The following SNRPN variants were observed in gnomAD, a reference collection of about 807,000 sequenced individuals.
SNRPN encodes the protein small nuclear ribonucleoprotein-associated protein N.
A neutral mutation model predicts 25.2 loss-of-function variants in SNRPN; 7 were observed. The ratio of observed to expected loss-of-function variants is 0.28; its 90% CI spans 0.16 to 0.52. SNRPN has a LOEUF of 0.52. SNRPN is among the 20% of genes least tolerant of loss of function. SNRPN has a pLI of 0.96. For synonymous variants in SNRPN, 124 were observed against 110.6 expected (o/e 1.12, Z -0.76); for missense variants, 196 against 322.5 (o/e 0.61, Z 3.00).
intron 3 of SNRPN, among the ~76,000 whole-genome samples, chr15:24,933,916 C>T (rs1343424890): frequency 6.6e-6 from 1 of 152,156 alleles, no homozygotes; most frequent in Non-Finnish European, 1.5e-5. Context: ...TTAATTTATA[C>T]CAGGGGTCAG....
chr15:24,840,652 G>A (rs929295483), intron 2 of SNRPN, among the ~76,000 whole-genome samples: 3 of 152,196 alleles, frequency 2.0e-5, no homozygotes, highest in Admixed American at 1.3e-4. Context: ...CCCCATGTGA[G>A]ATGCATGTTG....
chr15:24,974,908 C>T (rs1274446044), intron 4 of SNRPN: 1 of 702,624 alleles, frequency 1.4e-6, no homozygotes, highest in Admixed American at 2.0e-5. Flanking sequence ...AGTTTTTGGT[C>T]ATGATTCCAC....
chr15:24,853,580 A>T (rs1270805175), upstream of SNRPN, among the ~76,000 whole-genome samples: 12 of 152,052 alleles, frequency 7.9e-5, no homozygotes, highest in Admixed American at 3.3e-4. Flanking sequence ...TTTTTAGTGG[A>T]GACGGGGTTT....
chr15:24,949,475 C>T (rs1325314159), intron 3 of SNRPN, among the ~76,000 whole-genome samples: 1 of 137,600 alleles, frequency 7.3e-6, no homozygotes, highest in Non-Finnish European at 1.5e-5. Flanking sequence ...CATAGTTAGA[C>T]CAGGTCTCTA....
chr15:24,835,267 T>C (rs1184116082), intron 2 of SNRPN, among the ~76,000 whole-genome samples: 1 of 151,254 alleles, frequency 6.6e-6, no homozygotes, highest in African/African-American at 2.4e-5. Flanking sequence ...GTTTTTCTTC[T>C]TATATGTGAC....
chr15:24,837,961 G>A (rs2051359279), intron 2 of SNRPN, among the ~76,000 whole-genome samples: 1 of 151,470 alleles, frequency 6.6e-6, no homozygotes, highest in African/African-American at 2.4e-5. Context: ...GACCTCAGAA[G>A]ATCCGCCTGC....
intron 1 of SNRPN, among the ~76,000 whole-genome samples, chr15:24,874,809 A>G (rs1401240555): frequency 6.6e-6 from 1 of 152,206 alleles, no homozygotes; most frequent in African/African-American, 2.4e-5. Context: ...GATGATGACA[A>G]TGTGGGGTAA....
chr15:24,884,949 C>T (rs2057060959), intron 1 of SNRPN, among the ~76,000 whole-genome samples: 1 of 152,114 alleles, frequency 6.6e-6, no homozygotes, highest in Non-Finnish European at 1.5e-5. Context: ...AGAGCATCCT[C>T]AGAAAGCAAG....
chr15:24,907,546 C>T (rs376661586), intron 2 of SNRPN, among the ~76,000 whole-genome samples: 16 of 151,770 alleles, frequency 1.1e-4, no homozygotes, highest in East Asian at 5.9e-4. Context: ...TGCAGTGAGC[C>T]GAGATCGTGC....
At chr15:24,831,880 G>A (rs1017380554) in intron 2 of SNRPN, among the ~76,000 whole-genome samples, 1 of 151,840 alleles carries the variant, frequency 6.6e-6, no homozygotes, top group African/African-American at 2.4e-5. Flanking sequence ...CTGTTGATGG[G>A]CACTTAGGTT....
intron 2 of SNRPN, among the ~76,000 whole-genome samples, chr15:24,843,539 T>G (rs1336085495): frequency 1.4e-4 from 21 of 152,040 alleles, no homozygotes; most frequent in Admixed American, 6.6e-5. Flanking sequence ...TCCCAGCACT[T>G]TGGGAGGCTG....
chr15:24,955,676 CAGT>C (rs1406557860), intron 1 of SNRPN, among the ~76,000 whole-genome samples: 1 of 67,796 alleles, frequency 1.5e-5, no homozygotes, highest in East Asian at 3.3e-4. Context: ...GTCGGTGTGA[CAGT>C]GGTGGGGGTT....
intron 2 of SNRPN, among the ~76,000 whole-genome samples, chr15:24,900,130 T>C (rs1421003707): frequency 6.6e-6 from 1 of 152,170 alleles, no homozygotes; most frequent in Non-Finnish European, 1.5e-5. Context: ...CACTGAATGT[T>C]ATGGCAGTCA....
At chr15:24,945,063 T>A (rs907642374) in intron 3 of SNRPN, among the ~76,000 whole-genome samples, 1 of 152,156 alleles carries the variant, frequency 6.6e-6, no homozygotes, top group Non-Finnish European at 1.5e-5. Context: ...TGACCAAATA[T>A]CTGGGTACCA....
At chr15:24,881,427 A>C (rs958184601) in intron 1 of SNRPN, among the ~76,000 whole-genome samples, 5 of 151,412 alleles carry the variant, frequency 3.3e-5, no homozygotes, top group South Asian at 4.2e-4. Flanking sequence ...GCTACTTGGG[A>C]GGCTGAGGCA....
At chr15:24,978,376 C>T (rs758043856) in intron 9 of SNRPN, 31 bp from the exon 10 acceptor site, 4 of 1,614,100 alleles carry the variant, frequency 2.5e-6, no homozygotes, top group South Asian at 2.2e-5. Flanking sequence ...TGTGTATCCT[C>T]TTTTTCTCAA....
At chr15:24,848,246 C>CGGGGGCGGCGGCGGG (rs1555379843) in intron 2 of SNRPN, 1 of 37,140 alleles carries the variant, frequency 2.7e-5, no homozygotes, top group African/African-American at 1.0e-4. Context: ...GCGGGGGCGG[C>CGGGGGCGGCGGCGGG]GGCGGGGGCG....
intron 2 of SNRPN, among the ~76,000 whole-genome samples, chr15:24,897,989 C>T (rs566066922): frequency 1.3e-5 from 2 of 152,206 alleles, no homozygotes; most frequent in Non-Finnish European, 2.9e-5. Context: ...TGTAGAACTA[C>T]ACTCTGTGTC....
At chr15:24,939,860 G>T (rs1434176624) in intron 3 of SNRPN, among the ~76,000 whole-genome samples, 1 of 150,786 alleles carries the variant, frequency 6.6e-6, no homozygotes, top group African/African-American at 2.4e-5. Flanking sequence ...TGTGATCTTG[G>T]CTCACTGCAA....
Sources: allele counts gnomAD v4.1 joint callset (sites outside exome capture counted in the v4.1 genomes callset), GRCh38; gene constraint gnomAD v4.1.1; transcripts MANE v1.5; gene names NCBI Gene and HGNC (gene_info 2026-07-23, HGNC 2026-07-21).